Variants in SMCO3 observed in about 807,000 individuals in gnomAD.
The protein encoded by SMCO3 is single-pass membrane protein with coiled-coil domains 3.
In SMCO3, 6 loss-of-function variants were observed where a neutral mutation model predicts 12.0. That is an observed-to-expected ratio of 0.50 (90% CI 0.27 to 0.99). The LOEUF (loss-of-function observed/expected upper bound fraction) is 0.99. Ranked by LOEUF, SMCO3 falls within the 50% of genes least tolerant of loss-of-function variation. The pLI, the probability that SMCO3 is intolerant of heterozygous loss-of-function variation, is 0.11. For missense variants in SMCO3, 279 were observed against 265.0 expected (o/e 1.05, Z -0.37); for synonymous variants, 96 against 96.4 (o/e 1.00, Z 0.02).
rs375037271 is a variant in SMCO3, at chr12:14,806,375, A to G, written c.306T>C (p.Ile102=). 1 of 1,614,188 alleles carries G rather than the reference A, an allele frequency of 6.2e-7. No homozygotes were observed. Among genetic ancestry groups the G allele is most frequent in the Non-Finnish European group, 8.5e-7 (1 of 1,180,038 alleles). The change falls in exon 2 of 2, where the codon ATT becomes ATC. Residue 102 remains isoleucine, a synonymous_variant. Coordinates refer to ENST00000316048, the MANE Select transcript of SMCO3 (RefSeq NM_001013698.2). ...EPTLYRKLQD[I]KEKETDKIAI... ...CAATTTTGTCTGTTTCCTTTTCCTT[A>G]ATATCCTGAAGTTTTCTATAGAGGG...
At chr12:14,809,016 CG>C (rs1156947449) in intron 1 of SMCO3, among the ~76,000 whole-genome samples, 1 of 152,078 alleles carries the variant, frequency 6.6e-6, no homozygotes, top group Non-Finnish European at 1.5e-5. Context: ...TTTTGACTCC[CG>C]GTTTTCAGAT....
At chr12:14,806,858 G>T (rs988597757) in intron 1 of SMCO3, among the ~76,000 whole-genome samples, 162 bp from the exon 2 acceptor site, 1 of 152,156 alleles carries the variant, frequency 6.6e-6, no homozygotes, top group African/African-American at 2.4e-5. Flanking sequence ...AAAAGAGGGA[G>T]TATCGCTGTG....
chr12:14,805,907 A>G lies in SMCO3; in HGVS notation c.*96T>C. The G allele has an allele frequency of 8.2e-7, 1 of 1,226,286 alleles. No homozygotes were observed. The highest frequency in any genetic ancestry group is 2.3e-5 in the East Asian group (1 of 42,766). 76.0% of individuals were successfully genotyped at this position (1,226,286 alleles called of 1,614,324 possible). On this transcript the variant is annotated 3_prime_UTR_variant, in exon 2 of 2. Coordinates refer to ENST00000316048, the MANE Select transcript of SMCO3 (RefSeq NM_001013698.2). Reference sequence around the variant, plus strand: ...AATTGTTTATCTTATTTAAGTCCATATTGGAAGCCTATAGAAAATGAACCT... The same window carrying G: ...AATTGTTTATCTTATTTAAGTCCATGTTGGAAGCCTATAGAAAATGAACCT...
chr12:14,805,296 C>T lies in SMCO3; in HGVS notation c.*707G>A, dbSNP rs957272665. Reference sequence around the variant, plus strand: ...CTAAATGTTTCAGTGTTTGAACATTCACTTGAGCGATATTTAATTATCACA... The same window carrying T: ...CTAAATGTTTCAGTGTTTGAACATTTACTTGAGCGATATTTAATTATCACA... On this transcript the variant is annotated 3_prime_UTR_variant, in exon 2 of 2. Coordinates refer to ENST00000316048, the MANE Select transcript of SMCO3 (RefSeq NM_001013698.2). The T allele has an allele frequency of 6.6e-6, 1 of 152,204 alleles. No individual in the cohort carries two copies. The highest frequency in any genetic ancestry group is 1.5e-5 in the Non-Finnish European group (1 of 68,036). 9.4% of individuals were successfully genotyped at this position (152,204 alleles called of 1,614,324 possible).
intron 1 of SMCO3, among the ~76,000 whole-genome samples, chr12:14,809,156 A>G (rs1462366636): frequency 6.6e-6 from 1 of 152,192 alleles, no homozygotes; most frequent in Non-Finnish European, 1.5e-5. Context: ...CAGCTATCAT[A>G]TGCCATTATA....
At chr12:14,806,857 AG>A (rs1950060372) in intron 1 of SMCO3, among the ~76,000 whole-genome samples, 161 bp from the exon 2 acceptor site, 2 of 152,182 alleles carry the variant, frequency 1.3e-5, no homozygotes, top group Non-Finnish European at 2.9e-5. Context: ...TAAAAGAGGG[AG>A]TATCGCTGTG....
intron 1 of SMCO3, 98 bp from the exon 2 acceptor site, chr12:14,806,794 A>C: frequency 2.8e-6 from 3 of 1,083,358 alleles, no homozygotes; most frequent in Non-Finnish European, 4.0e-6. Context: ...TGCATAGCAA[A>C]GAAGCAAGAT....
rs1950023289 is a variant in SMCO3, at chr12:14,804,832, AG to A, written c.*1170del. 6.6e-6 allele frequency: 1 copy of A among 152,226 alleles called. No homozygotes were observed. The highest frequency in any genetic ancestry group is 1.5e-5 in the Non-Finnish European group (1 of 68,030). The allele number at this position is 152,226 out of a possible 1,614,324, so 9.4% of individuals were successfully genotyped here. ...ATTTTATATGTAGCTACTATTTTTA[AG>A]ATATGCTGAGCAGTTTTTATTTCAA... On this transcript the variant is annotated 3_prime_UTR_variant, in exon 2 of 2. Coordinates refer to ENST00000316048, the MANE Select transcript of SMCO3 (RefSeq NM_001013698.2).
chr12:14,806,332 T>G lies in SMCO3; in HGVS notation c.349A>C (p.Ile117Leu), dbSNP rs1204504134. 6.2e-7 allele frequency: 1 copy of G among 1,614,208 alleles called. No individual in the cohort carries two copies. Among genetic ancestry groups the G allele is most frequent in the East Asian group, 2.2e-5 (1 of 44,890 alleles). ...GTAGCTTCTCCCAGGATGACCGAAA[T>G]AACCTTTTGCACTATTGCAATTTTG... The part of the protein sequence containing the change: ...TDKIAIVQKV[I>L]SVILGEATSA... The change falls in exon 2 of 2, where the codon ATT (isoleucine) becomes CTT (leucine). Residue 117 changes from isoleucine to leucine, a missense_variant. Transcript: ENST00000316048.
At position 14,806,434 on chromosome 12, in the gene SMCO3, C is replaced by A; in HGVS notation, c.247G>T (p.Val83Phe). The A allele has an allele frequency of 6.2e-7, 1 of 1,614,198 alleles. No homozygotes were observed. Among genetic ancestry groups the A allele is most frequent in the Non-Finnish European group, 8.5e-7 (1 of 1,180,044 alleles). ...AGCTTATCTTTTAGTGCTTCATCAA[C>A]CTTCTGCAATTCCTTTTGGATTTTC... is the stretch of plus-strand genomic sequence containing the variant. ...IMKIQKELQK[V>F]DEALKDKLEP... The change falls in exon 2 of 2, where the codon GTT becomes TTT. Residue 83 changes from valine to phenylalanine, a missense_variant. Coordinates refer to ENST00000316048, the MANE Select transcript of SMCO3 (RefSeq NM_001013698.2).
chr12:14,811,014 T>C (rs1018731938), intron 1 of SMCO3, among the ~76,000 whole-genome samples: 2 of 152,254 alleles, frequency 1.3e-5, no homozygotes, highest in Non-Finnish European at 2.9e-5. Context: ...TTATTCCATT[T>C]TCATTGATGA....
chr12:14,808,604 C>T (rs1192954197), intron 1 of SMCO3, among the ~76,000 whole-genome samples: 1 of 152,098 alleles, frequency 6.6e-6, no homozygotes, highest in Non-Finnish European at 1.5e-5. Context: ...AATAACCTAT[C>T]CTCCAAATCG....
At chr12:14,810,664 T>G (rs1410339843) in intron 1 of SMCO3, among the ~76,000 whole-genome samples, 1 of 152,246 alleles carries the variant, frequency 6.6e-6, no homozygotes, top group Non-Finnish European at 1.5e-5. Context: ...TATAATATAT[T>G]GGCACTGTGG....
Position 14,806,553 on chromosome 12 carries a change from A to C in SMCO3, c.128T>G (p.Leu43Arg). 6.2e-7 allele frequency: 1 copy of C among 1,614,170 alleles called. No individual in the cohort carries two copies. The highest frequency in any genetic ancestry group is 1.3e-5 in the African/African-American group (1 of 75,040). ...FDVTNKLTEV[L>R]NMHLGCRLAS... ...CAGCCTGCACCCCAAGTGCATATTTAGAACCTCAGTCAGCTTATTGGTGAC... is the reference window on the plus strand; with the variant it reads ...CAGCCTGCACCCCAAGTGCATATTTCGAACCTCAGTCAGCTTATTGGTGAC... The change falls in exon 2 of 2, where the codon CTA becomes CGA. Residue 43 changes from leucine to arginine, a missense_variant. Leu to Arg is a moderately radical substitution (Grantham distance 102). Coordinates refer to ENST00000316048, the MANE Select transcript of SMCO3 (RefSeq NM_001013698.2).
At chr12:14,813,244 G>T (rs959937006) in intron 1 of SMCO3, among the ~76,000 whole-genome samples, 50 of 152,298 alleles carry the variant, frequency 3.3e-4, no homozygotes, top group Admixed American at 1.4e-3. Context: ...AGTGCTCTCT[G>T]AGGTTTTACA....
At chr12:14,806,895 G>T (rs192119179) in intron 1 of SMCO3, among the ~76,000 whole-genome samples, 199 bp from the exon 2 acceptor site, 91 of 152,208 alleles carry the variant, frequency 6.0e-4, no homozygotes, top group Middle Eastern at 3.4e-3. Flanking sequence ...GCAGTGGTGC[G>T]ATCTCAGCTC....
At chr12:14,809,310 C>T (rs1048857401) in intron 1 of SMCO3, among the ~76,000 whole-genome samples, 1 of 152,148 alleles carries the variant, frequency 6.6e-6, no homozygotes, top group African/African-American at 2.4e-5. Flanking sequence ...TTTAGCACAA[C>T]TTCACGAATT....
In SMCO3 at chr12:14,805,061, C is replaced by T. The variant is rs181559403; in HGVS notation, c.*942G>A. ...CATAGCCTTTGGCGTTTTCTAAAATCAGGTAATTAGTGAAATGGCCCACCT... is the reference window on the plus strand; with the variant it reads ...CATAGCCTTTGGCGTTTTCTAAAATTAGGTAATTAGTGAAATGGCCCACCT... On this transcript the variant is annotated 3_prime_UTR_variant, in exon 2 of 2. Coordinates refer to ENST00000316048, the MANE Select transcript of SMCO3 (RefSeq NM_001013698.2). The T allele has an allele frequency of 3.9e-5, 6 of 152,348 alleles. No individual in the cohort carries two copies. The highest frequency in any genetic ancestry group is 2.6e-4 in the Admixed American group (4 of 15,308). The allele number at this position is 152,348 out of a possible 1,614,324, so 9.4% of individuals were successfully genotyped here. A position where few individuals can be genotyped will look rare whatever the true frequency, so the allele number is the denominator to read the frequency against.
chr12:14,811,333 T>C (rs893525506), intron 1 of SMCO3, among the ~76,000 whole-genome samples: 1 of 152,230 alleles, frequency 6.6e-6, no homozygotes, highest in African/African-American at 2.4e-5. Context: ...ATTTTTCACC[T>C]GGGCCTTTGC....
Sources: allele counts gnomAD v4.1 joint callset (sites outside exome capture counted in the v4.1 genomes callset), GRCh38; gene constraint gnomAD v4.1.1; transcripts MANE v1.5; gene names NCBI Gene and HGNC (gene_info 2026-07-23, HGNC 2026-07-21).